The following SARDH variants were observed in gnomAD, a reference collection of about 807,000 sequenced individuals.
The protein encoded by SARDH is sarcosine dehydrogenase, mitochondrial.
In SARDH, 95 loss-of-function variants were observed where a neutral mutation model predicts 109.1. The ratio of observed to expected loss-of-function variants is 0.87; its 90% CI spans 0.74 to 1.03. The LOEUF is 1.03. Ranked by LOEUF, SARDH falls within the 50% of genes least tolerant of loss-of-function variation. The pLI is 0.00. For missense variants in SARDH, 1,267 were observed against 1,287.8 expected, an observed-to-expected ratio of 0.98 and a Z score of 0.25; for synonymous variants, 572 against 534.8, an observed-to-expected ratio of 1.07 and a Z score of -0.96.
intron 19 of SARDH, among the ~76,000 whole-genome samples, chr9:133,669,875 C>T (rs1564230474): frequency 6.6e-6 from 1 of 152,230 alleles, no homozygotes; most frequent in African/African-American, 2.4e-5. Context: ...GGTTCACCCT[C>T]CCAAGGCCCT....
rs1454557719 is a variant in SARDH at position 133,692,169 on chromosome 9, G to A, written c.1922-1642C>T. Among the ~76,000 whole-genome samples the A allele has an allele frequency of 6.6e-6, 1 of 152,162 alleles. No homozygotes were observed. Among genetic ancestry groups the A allele is most frequent in the African/African-American group, 2.4e-5 (1 of 41,432 alleles). ...GACTCAATTCTCCATCGCAGCCCCGGGAGGCGCGTCTTCCTCACTCCATTC... is the reference window on the plus strand; with the variant it reads ...GACTCAATTCTCCATCGCAGCCCCGAGAGGCGCGTCTTCCTCACTCCATTC... On this transcript the variant is annotated intron_variant, in intron 15 of 20. Transcript: ENST00000439388. This position sits in a 1 kb window ranked among gnomAD's most constrained non-coding sequence, Gnocchi z 5.0.
At chr9:133,735,975 G>C (rs1168275148) in intron 1 of SARDH, among the ~76,000 whole-genome samples, 1 of 151,902 alleles carries the variant, frequency 6.6e-6, no homozygotes, top group Non-Finnish European at 1.5e-5. Context: ...GGGAGGTGGA[G>C]GCTGCAGTAA....
intron 11 of SARDH, among the ~76,000 whole-genome samples, chr9:133,705,320 A>G (rs111321613): frequency 5.3e-5 from 5 of 93,464 alleles, no homozygotes; most frequent in Non-Finnish European, 1.2e-4. Context: ...CATCTATAGA[A>G]TTACCACCTG....
intron 13 of SARDH, among the ~76,000 whole-genome samples, chr9:133,700,225 G>C (rs1831431800): frequency 6.6e-6 from 1 of 152,180 alleles, no homozygotes; most frequent in Non-Finnish European, 1.5e-5. Context: ...TACTTGGGAG[G>C]CTGAGGCAGA....
At chr9:133,715,416 G>A (rs957937926) in intron 8 of SARDH, among the ~76,000 whole-genome samples, 3 of 152,144 alleles carry the variant, frequency 2.0e-5, no homozygotes, top group South Asian at 2.1e-4. Context: ...CCAGACCCAC[G>A]CAAGCTGCGG....
At chr9:133,713,249 C>T (rs1831997088) in intron 8 of SARDH, 125 bp from the exon 9 acceptor site, 2 of 733,186 alleles carry the variant, frequency 2.7e-6, no homozygotes, top group Non-Finnish European at 4.5e-6. Flanking sequence ...CCCCTCCCTC[C>T]TCTAGGCCCT....
intron 6 of SARDH, among the ~76,000 whole-genome samples, chr9:133,725,874 T>C (rs1832472806): frequency 6.6e-6 from 1 of 152,046 alleles, no homozygotes; most frequent in African/African-American, 2.4e-5. Flanking sequence ...GCCCCAGAAC[T>C]GGAGATGAGC....
At chr9:133,725,402 G>A (rs2131487091) in intron 6 of SARDH, 1 of 295,180 alleles carries the variant, frequency 3.4e-6, no homozygotes, top group South Asian at 2.8e-5. Context: ...GCTAAGCATG[G>A]TGGCTCACGC....
chr9:133,682,103 C>T (rs111575370), intron 17 of SARDH, among the ~76,000 whole-genome samples: 2,869 of 152,304 alleles, frequency 0.019, 84 homozygotes, highest in African/African-American at 0.063. Context: ...CAGCTCTACC[C>T]TCTCTCAGAC....
At chr9:133,667,796 G>A (rs900751467) in intron 19 of SARDH, among the ~76,000 whole-genome samples, 3 of 152,152 alleles carry the variant, frequency 2.0e-5, no homozygotes, top group Admixed American at 6.5e-5. Context: ...AGATTAGGAC[G>A]AGGCTGGAAG....
downstream of SARDH, among the ~76,000 whole-genome samples, chr9:133,659,694 G>C (rs763635804): frequency 6.6e-6 from 1 of 152,180 alleles, no homozygotes; most frequent in Non-Finnish European, 1.5e-5. Flanking sequence ...GGGAAGTCAC[G>C]AGCCCAGGAG....
chr9:133,694,610 C>T (rs115905130), intron 14 of SARDH, among the ~76,000 whole-genome samples: 4 of 152,208 alleles, frequency 2.6e-5, no homozygotes, highest in African/African-American at 7.2e-5. Context: ...GTCACCCTTG[C>T]GGGAAGGAAG....
At position 133,693,683 on chromosome 9, in the gene SARDH, G is replaced by A. The variant is rs994647849; in HGVS notation, c.1921+575C>T. Reference sequence around the variant, plus strand: ...CAGGATCAGGGAGCTGAAGGGACAAGAGGCAGGTCCTGGCTCTGCGTAACA... The same window carrying A: ...CAGGATCAGGGAGCTGAAGGGACAAAAGGCAGGTCCTGGCTCTGCGTAACA... On this transcript the variant is annotated intron_variant, in intron 15 of 20. Transcript: ENST00000439388. The surrounding 1 kb of genome is among the most constrained non-coding windows in gnomAD (Gnocchi z 5.6). Among the ~76,000 whole-genome samples, 4 of 152,216 alleles carry A rather than the reference G, an allele frequency of 2.6e-5. No individual in the cohort carries two copies. Among genetic ancestry groups the A allele is most frequent in the South Asian group, 2.1e-4 (1 of 4,828 alleles).
intron 13 of SARDH, among the ~76,000 whole-genome samples, chr9:133,696,742 A>C (rs1564263138): frequency 6.6e-6 from 1 of 152,202 alleles, no homozygotes; most frequent in Non-Finnish European, 1.5e-5. Context: ...TGGATCAAAG[A>C]AAAGAATCAC....
rs1830314408 is a variant in SARDH at position 133,670,698 on chromosome 9, C to T, written c.2381G>A (p.Gly794Asp). ...LRPDDSPLEA[G>D]LAFTCKLKSP... ...CTTGAGCTTGCAGGTGAAGGCCAGG[C>T]CTGCCTCCAGGGGGCTGTCGTCTGG... The change falls in exon 19 of 21, where the codon GGC becomes GAC. Residue 794 changes from glycine to aspartate, a missense_variant. Gly to Asp is a moderately conservative substitution (Grantham distance 94). Transcript: ENST00000439388. 6.2e-7 allele frequency: 1 copy of T among 1,607,188 alleles called. No individual in the cohort carries two copies. The highest frequency in any genetic ancestry group is 1.1e-5 in the South Asian group (1 of 89,990).
intron 17 of SARDH, among the ~76,000 whole-genome samples, chr9:133,678,708 C>T (rs1397793320): frequency 1.3e-5 from 2 of 152,220 alleles, no homozygotes; most frequent in Non-Finnish European, 2.9e-5. Flanking sequence ...CCCCTGCCGT[C>T]CAACACCTGT....
intron 10 of SARDH, among the ~76,000 whole-genome samples, chr9:133,711,496 C>T (rs959320856): frequency 6.6e-6 from 1 of 152,216 alleles, no homozygotes; most frequent in African/African-American, 2.4e-5. Flanking sequence ...AGTGCAGGGG[C>T]GCAGGCCCAG....
chr9:133,690,544 T>C lies in SARDH; in HGVS notation c.1922-17A>G. 1 of 1,590,268 alleles carries C rather than the reference T, an allele frequency of 6.3e-7. No homozygotes were observed. The highest frequency in any genetic ancestry group is 1.7e-4 in the Middle Eastern group (1 of 6,020). ...AACCGTCCCCTGGAAGAGAGGCACC[T>C]GGACTTAGAGCAGGATTTCAGGGCC... On this transcript the variant is annotated splice_polypyrimidine_tract_variant and intron_variant, in intron 15 of 20. Coordinates refer to ENST00000439388, the MANE Select transcript of SARDH (RefSeq NM_001134707.2).
chr9:133,705,425 AATTACCACCTGCC>A, intron 11 of SARDH, among the ~76,000 whole-genome samples: 7 of 21,092 alleles, frequency 3.3e-4, no homozygotes, highest in African/African-American at 7.4e-4. Flanking sequence ...CTATAGAATT[AATTACCACCTGCC>A]CCATCTGCCC....
Sources: gnomAD v4.1 joint callset for allele counts (sites outside exome capture counted in the v4.1 genomes callset) on GRCh38, gnomAD v4.1.1 for gene constraint, Gnocchi (gnomAD v3.1) non-coding constraint, MANE v1.5 for transcripts, NCBI Gene and HGNC (gene_info 2026-07-23, HGNC 2026-07-21) for gene names.